PCSK5: variants seen among roughly 807,000 people sequenced by gnomAD.
PCSK5 encodes the protein proprotein convertase subtilisin/kexin type 5.
A neutral mutation model predicts 233.2 loss-of-function variants in PCSK5; 129 were observed. That is an observed-to-expected ratio of 0.55 (90% CI 0.48 to 0.64). PCSK5 has a LOEUF of 0.64. Among genes scored for constraint, PCSK5 ranks in the 30% least tolerant of loss-of-function variants. The probability of loss-of-function intolerance (pLI) is 0.00; values close to 1 mark genes in which losing one functional copy is unlikely to be tolerated. For missense variants in PCSK5, 2,076 were observed against 2,430.1 expected (o/e 0.85, Z 3.06); for synonymous variants, 825 against 879.2 (o/e 0.94, Z 1.09).
intron 1 of PCSK5, among the ~76,000 whole-genome samples, chr9:75,905,617 C>G (rs1161006950): frequency 6.6e-6 from 1 of 152,152 alleles, no homozygotes; most frequent in Non-Finnish European, 1.5e-5. Flanking sequence ...AACCCCCAGG[C>G]CATGGACTGA....
intron 28 of PCSK5, among the ~76,000 whole-genome samples, chr9:76,303,797 T>G (rs1828692771): frequency 6.6e-6 from 1 of 152,302 alleles, no homozygotes; most frequent in Non-Finnish European, 1.5e-5. Context: ...CCAAGGTGGC[T>G]CTGCACAAGG....
At chr9:76,231,431 G>T (rs1826076228) in intron 21 of PCSK5, among the ~76,000 whole-genome samples, 1 of 152,132 alleles carries the variant, frequency 6.6e-6, no homozygotes, top group African/African-American at 2.4e-5. Context: ...GGGGACCACT[G>T]CTATAAAAGA....
intron 9 of PCSK5, among the ~76,000 whole-genome samples, chr9:76,132,510 A>C (rs908660962): frequency 6.6e-5 from 10 of 152,086 alleles, no homozygotes; most frequent in African/African-American, 2.2e-4. Flanking sequence ...GGAAACTTTA[A>C]AAAATGGCAG....
chr9:76,164,311 C>A (rs553640015), intron 12 of PCSK5, among the ~76,000 whole-genome samples: 1 of 152,274 alleles, frequency 6.6e-6, no homozygotes, highest in South Asian at 2.1e-4. Context: ...TTAGACAGAG[C>A]TGGGTTTTTC....
chr9:76,175,862 A>G (rs921464568), intron 14 of PCSK5, among the ~76,000 whole-genome samples: 1 of 152,256 alleles, frequency 6.6e-6, no homozygotes, highest in Non-Finnish European at 1.5e-5. Context: ...TCTGAATTAA[A>G]TACAACTGTC....
chr9:76,329,326 AT>A (rs1179773297), intron 33 of PCSK5, among the ~76,000 whole-genome samples: 4 of 143,560 alleles, frequency 2.8e-5, no homozygotes, highest in African/African-American at 5.2e-5. Flanking sequence ...ATGTCCAGCC[AT>A]TTTTTTTTCT....
rs1824237238 is a variant in PCSK5 at position 76,189,037 on chromosome 9, G to C, written c.2381-57G>C. On this transcript the variant is annotated intron_variant, in intron 18 of 37. Coordinates refer to ENST00000674117, the MANE Select transcript of PCSK5 (RefSeq NM_001372043.1). ...TCAAACTGTTAAAGAAGAAGCCCATGACACCACCTCCTCTGAGGTTTTATT... is the reference window on the plus strand; with the variant it reads ...TCAAACTGTTAAAGAAGAAGCCCATCACACCACCTCCTCTGAGGTTTTATT... 13 of 1,546,448 alleles carry C rather than the reference G, an allele frequency of 8.4e-6. No homozygotes were observed. The Middle Eastern group carries it at 9.5e-4, about 114-fold the overall frequency.
chr9:76,193,521 G>T, intron 20 of PCSK5: 1 of 533,862 alleles, frequency 1.9e-6, no homozygotes, highest in Non-Finnish European at 3.2e-6. Flanking sequence ...ATGGTGAACT[G>T]TTTTGTCAGA....
intron 9 of PCSK5, among the ~76,000 whole-genome samples, chr9:76,130,565 C>T (rs1822720185): frequency 6.6e-6 from 1 of 152,124 alleles, no homozygotes; most frequent in South Asian, 2.1e-4. Flanking sequence ...TATCATGCAA[C>T]AATCATGCAC....
At chr9:75,911,260 T>C (rs1822724521) in intron 1 of PCSK5, among the ~76,000 whole-genome samples, 1 of 136,330 alleles carries the variant, frequency 7.3e-6, no homozygotes, top group South Asian at 2.3e-4. Flanking sequence ...CCAAAGTAGT[T>C]AAAATCTTAT....
At chr9:76,154,435 G>T (rs1823799961) in intron 10 of PCSK5, among the ~76,000 whole-genome samples, 1 of 152,132 alleles carries the variant, frequency 6.6e-6, no homozygotes, top group African/African-American at 2.4e-5. Flanking sequence ...GGACAGTTCT[G>T]GAGGAGGGGA....
At chr9:76,093,232 C>T (rs1831372576) in intron 7 of PCSK5, among the ~76,000 whole-genome samples, 1 of 151,866 alleles carries the variant, frequency 6.6e-6, no homozygotes, top group African/African-American at 2.4e-5. Context: ...ATAGCTGAGA[C>T]TAGAAGCATG....
chr9:76,072,023 A>G lies in PCSK5; in HGVS notation c.894+125A>G. ...GAGCTCCTAGGCTGAGCCAGCAGGT[A>G]GGCTAATGGAAAGAGGTGGTGAACA... On this transcript the variant is annotated intron_variant, in intron 7 of 37. Coordinates refer to ENST00000674117, the MANE Select transcript of PCSK5 (RefSeq NM_001372043.1). 4 of 825,942 alleles carry G rather than the reference A, an allele frequency of 4.8e-6. No homozygotes were observed. The Middle Eastern group carries it at 8.0e-4, about 165-fold the overall frequency. The allele number at this position is 825,942 out of a possible 1,614,324, so 51.2% of individuals were successfully genotyped here.
At chr9:76,006,652 C>G (rs957721571) in intron 3 of PCSK5, among the ~76,000 whole-genome samples, 3 of 152,132 alleles carry the variant, frequency 2.0e-5, no homozygotes, top group Non-Finnish European at 1.5e-5. Flanking sequence ...TGGTTCCCTC[C>G]TTTGCTTTTA....
At chr9:76,066,301 A>T (rs899118369) in intron 5 of PCSK5, among the ~76,000 whole-genome samples, 1 of 152,004 alleles carries the variant, frequency 6.6e-6, no homozygotes, top group African/African-American at 2.4e-5. Context: ...GTTTTCTTCA[A>T]TTTCTTTGAT....
chr9:76,341,453 T>C (rs1056212466), intron 35 of PCSK5, among the ~76,000 whole-genome samples: 8 of 152,188 alleles, frequency 5.3e-5, no homozygotes, highest in African/African-American at 1.9e-4. Flanking sequence ...TCATCCTTTT[T>C]TTAAACTTTA....
chr9:76,252,802 A>T (rs1434836779), intron 24 of PCSK5, among the ~76,000 whole-genome samples: 1 of 152,222 alleles, frequency 6.6e-6, no homozygotes, highest in Non-Finnish European at 1.5e-5. Context: ...TTCCATAGGA[A>T]GTGAGACCCT....
At chr9:76,063,023 C>T (rs12343074) in intron 5 of PCSK5, among the ~76,000 whole-genome samples, 6,969 of 152,244 alleles carry the variant, frequency 0.046, 427 homozygotes, top group African/African-American at 0.14. Context: ...TTTCAGCTTT[C>T]ACATATGGGT....
chr9:76,136,423 G>A (rs960782652), intron 10 of PCSK5, among the ~76,000 whole-genome samples: 3 of 151,938 alleles, frequency 2.0e-5, no homozygotes, highest in Non-Finnish European at 4.4e-5. Flanking sequence ...AAGAGCTAAT[G>A]GTTAGAAAAG....
Sources: gnomAD v4.1 joint callset for allele counts (sites outside exome capture counted in the v4.1 genomes callset) on GRCh38, gnomAD v4.1.1 for gene constraint, MANE v1.5 for transcripts, NCBI Gene and HGNC (gene_info 2026-07-23, HGNC 2026-07-21) for gene names.